Variants in NUDT3 observed in about 807,000 individuals in gnomAD.
NUDT3 encodes nudix hydrolase 3, also known as diphosphoinositol polyphosphate phosphohydrolase 1.
NUDT3 carries 9 observed loss-of-function variants against 23.6 expected under a neutral mutation model. The observed-to-expected ratio is 0.38, with a 90% CI of 0.23 to 0.66. The LOEUF (loss-of-function observed/expected upper bound fraction) is 0.66. Among genes scored for constraint, NUDT3 ranks in the 30% least tolerant of loss-of-function variants. The probability of loss-of-function intolerance (pLI) is 0.52; values close to 1 mark genes in which losing one functional copy is unlikely to be tolerated. For missense variants in NUDT3, 172 were observed against 218.5 expected (o/e 0.79, Z 1.34); for synonymous variants, 86 against 82.6 (o/e 1.04, Z -0.22).
intron 3 of NUDT3, among the ~76,000 whole-genome samples, chr6:34,294,736 A>AG (rs1398928837): frequency 6.6e-6 from 1 of 152,060 alleles, no homozygotes; most frequent in African/African-American, 2.4e-5. Context: ...AAAAAAAAAA[A>AG]AAAGATTTAT....
intron 1 of NUDT3, among the ~76,000 whole-genome samples, chr6:34,353,148 C>T (rs1317949860): frequency 6.6e-6 from 1 of 152,090 alleles, no homozygotes; most frequent in African/African-American, 2.4e-5. Flanking sequence ...CATATTTATT[C>T]TTTTCTTTCC....
At chr6:34,339,971 T>C (rs1348376634) in intron 2 of NUDT3, among the ~76,000 whole-genome samples, 1 of 152,182 alleles carries the variant, frequency 6.6e-6, no homozygotes, top group Non-Finnish European at 1.5e-5. Context: ...GGAACCGACA[T>C]TCCCTTTGCC....
chr6:34,316,071 C>T (rs1763853232), intron 2 of NUDT3, among the ~76,000 whole-genome samples: 1 of 152,180 alleles, frequency 6.6e-6, no homozygotes, highest in African/African-American at 2.4e-5. Flanking sequence ...TCTCCGTTGC[C>T]CTGGCTGGTC....
intron 2 of NUDT3, among the ~76,000 whole-genome samples, chr6:34,332,188 T>C (rs1374745999): frequency 6.6e-6 from 1 of 152,212 alleles, no homozygotes; most frequent in African/African-American, 2.4e-5. Flanking sequence ...AATCTACTAC[T>C]GACCAGCAGC....
intron 2 of NUDT3, among the ~76,000 whole-genome samples, chr6:34,302,645 T>C (rs944787515): frequency 1.3e-5 from 2 of 152,098 alleles, no homozygotes; most frequent in African/African-American, 2.4e-5. Flanking sequence ...GGCAGGAGAA[T>C]TGCTTGAACC....
At position 34,308,349 on chromosome 6, in the gene NUDT3, T is replaced by C. The variant is rs192899243; in HGVS notation, c.211-12664A>G. ...GTGTGTGCCTACATGTAATCACAGC[T>C]ACTCAAGAAGCTGAGATGGGTGGAC... On this transcript the variant is annotated intron_variant, in intron 2 of 4. Coordinates refer to ENST00000607016, the MANE Select transcript of NUDT3 (RefSeq NM_006703.4). Among the ~76,000 whole-genome samples, 24 of 150,608 alleles carry C rather than the reference T, an allele frequency of 1.6e-4. 1 individual carries two copies. The East Asian group carries it at 2.0e-3, about 12-fold the overall frequency.
At chr6:34,347,548 G>GA (rs1308475630) in intron 1 of NUDT3, among the ~76,000 whole-genome samples, 2 of 152,126 alleles carry the variant, frequency 1.3e-5, no homozygotes, top group Non-Finnish European at 2.9e-5. Flanking sequence ...GGGCACAGAA[G>GA]AAAAAACATT....
chr6:34,382,781 T>C (rs1765043664), intron 1 of NUDT3, among the ~76,000 whole-genome samples: 1 of 150,544 alleles, frequency 6.6e-6, no homozygotes, highest in South Asian at 2.1e-4. Context: ...CAGTTAGCCA[T>C]GACTGCATCA....
In NUDT3 at chr6:34,288,268, T is replaced by C. The variant is rs1763362834; in HGVS notation, c.*485A>G. Reference sequence around the variant, plus strand: ...CATATTATATGTCCGATATATAATGTGTAGATAAATGTATACTGCAGTGAA... The same window carrying C: ...CATATTATATGTCCGATATATAATGCGTAGATAAATGTATACTGCAGTGAA... On this transcript the variant is annotated 3_prime_UTR_variant, in exon 5 of 5. Transcript: ENST00000607016. The C allele has an allele frequency of 6.6e-6, 1 of 152,424 alleles. No individual in the cohort carries two copies. The highest frequency in any genetic ancestry group is 1.5e-5 in the Non-Finnish European group (1 of 68,192). The allele number at this position is 152,424 out of a possible 1,614,324, so 9.4% of individuals were successfully genotyped here. A position where few individuals can be genotyped will look rare whatever the true frequency, so the allele number is the denominator to read the frequency against.
intron 2 of NUDT3, among the ~76,000 whole-genome samples, chr6:34,318,734 T>A (rs974255409): frequency 6.7e-6 from 1 of 150,112 alleles, no homozygotes; most frequent in Non-Finnish European, 1.5e-5. Flanking sequence ...AAAAAAAATT[T>A]TTTTTTTAAC....
In NUDT3 at chr6:34,285,018, G is replaced by A. The variant is rs988987682; in HGVS notation, c.*3735C>T. ...GGCTGTGCAGTGCAATGCAGAAGGCGGAAATCCTGCTGTGACGCCACCCTC... is the reference window on the plus strand; with the variant it reads ...GGCTGTGCAGTGCAATGCAGAAGGCAGAAATCCTGCTGTGACGCCACCCTC... On this transcript the variant is annotated 3_prime_UTR_variant, in exon 5 of 5. Coordinates refer to ENST00000607016, the MANE Select transcript of NUDT3 (RefSeq NM_006703.4). 2.0e-5 allele frequency: 3 copies of A among 152,180 alleles called. No individual in the cohort carries two copies. The highest frequency in any genetic ancestry group is 4.4e-5 in the Non-Finnish European group (3 of 68,100). The allele number at this position is 152,180 out of a possible 1,614,324, so 9.4% of individuals were successfully genotyped here. A position where few individuals can be genotyped will look rare whatever the true frequency, so the allele number is the denominator to read the frequency against.
At chr6:34,381,998 G>A (rs895398563) in intron 1 of NUDT3, among the ~76,000 whole-genome samples, 10 of 148,678 alleles carry the variant, frequency 6.7e-5, no homozygotes, top group South Asian at 2.1e-4. Context: ...ACCTGAACCC[G>A]GGAGACGGGG....
intron 3 of NUDT3, among the ~76,000 whole-genome samples, chr6:34,295,024 G>A (rs932369601): frequency 2.0e-5 from 3 of 151,934 alleles, no homozygotes; most frequent in Non-Finnish European, 4.4e-5. Context: ...CTTTGTTATA[G>A]TTACTTATCT....
intron 1 of NUDT3, among the ~76,000 whole-genome samples, chr6:34,382,349 G>T (rs1047054447): frequency 5.9e-5 from 9 of 152,130 alleles, no homozygotes; most frequent in African/African-American, 1.7e-4. Context: ...GCTGCATTGA[G>T]CTATGATCAC....
chr6:34,334,446 C>A (rs933324884), intron 2 of NUDT3, among the ~76,000 whole-genome samples: 5 of 151,052 alleles, frequency 3.3e-5, no homozygotes, highest in African/African-American at 9.8e-5. Flanking sequence ...AAGAGACCAG[C>A]CTGACCAACA....
chr6:34,298,615 A>G (rs75130359), intron 2 of NUDT3, among the ~76,000 whole-genome samples: 1 of 150,190 alleles, frequency 6.7e-6, no homozygotes, highest in Non-Finnish European at 1.5e-5. Flanking sequence ...GTAGAAACTA[A>G]TGATGTTTGT....
chr6:34,308,603 C>T (rs1310832333), intron 2 of NUDT3, among the ~76,000 whole-genome samples: 1 of 151,966 alleles, frequency 6.6e-6, no homozygotes, highest in East Asian at 1.9e-4. Context: ...GAGAGTGATA[C>T]ATACCGTGCT....
chr6:34,311,736 G>C (rs1398211328), intron 2 of NUDT3, among the ~76,000 whole-genome samples: 1 of 152,090 alleles, frequency 6.6e-6, no homozygotes, highest in Admixed American at 6.6e-5. Flanking sequence ...TAAATAGATG[G>C]AACAATAGCA....
At chr6:34,370,214 A>G (rs1764805581) in intron 1 of NUDT3, among the ~76,000 whole-genome samples, 1 of 152,194 alleles carries the variant, frequency 6.6e-6, no homozygotes. Context: ...ACTATGCTCT[A>G]TGAATCTAAA....
Sources: gnomAD v4.1 joint callset for allele counts (sites outside exome capture counted in the v4.1 genomes callset) on GRCh38, gnomAD v4.1.1 for gene constraint, MANE v1.5 for transcripts, NCBI Gene and HGNC (gene_info 2026-07-23, HGNC 2026-07-21) for gene names.